EPS15: variants seen among roughly 807,000 people sequenced by gnomAD.
The protein encoded by EPS15 is epidermal growth factor receptor substrate 15.
EPS15 carries 72 observed loss-of-function variants against 113.8 expected under a neutral mutation model. The observed-to-expected ratio is 0.63, with a 90% CI of 0.52 to 0.77. The LOEUF (loss-of-function observed/expected upper bound fraction) is 0.77, where lower values mean the gene tolerates loss of function less well. Ranked by LOEUF, EPS15 falls within the 30% of genes least tolerant of loss-of-function variation. EPS15 has a pLI of 0.00. For synonymous variants in EPS15, 344 were observed against 363.4 expected (o/e 0.95, Z 0.61); for missense variants, 1,048 against 1,045.8 (o/e 1.00, Z -0.03).
intron 6 of EPS15, among the ~76,000 whole-genome samples, chr1:51,464,707 C>T (rs1411719868): frequency 6.6e-6 from 1 of 152,042 alleles, no homozygotes; most frequent in African/African-American, 2.4e-5. Context: ...GCCATATTCC[C>T]ACACTTTTAA....
At chr1:51,452,103 T>TC (rs1197589367) in intron 8 of EPS15, among the ~76,000 whole-genome samples, 3 of 151,396 alleles carry the variant, frequency 2.0e-5, no homozygotes, top group Non-Finnish European at 1.5e-5. Context: ...CTGGTTGGTC[T>TC]CCAACTTCTG....
intron 23 of EPS15, 110 bp from the exon 24 acceptor site, chr1:51,361,465 T>C (rs1474565866): frequency 2.8e-6 from 2 of 726,250 alleles, no homozygotes; most frequent in Non-Finnish European, 4.5e-6. Flanking sequence ...GATGATTGAG[T>C]ACCTAAAACA....
At chr1:51,397,606 CAG>C (rs1648083479) in intron 20 of EPS15, among the ~76,000 whole-genome samples, 1 of 152,158 alleles carries the variant, frequency 6.6e-6, no homozygotes, top group South Asian at 2.1e-4. Flanking sequence ...TATAGGAAAA[CAG>C]AGTATCCAGC....
intron 2 of EPS15, among the ~76,000 whole-genome samples, chr1:51,476,084 C>A (rs778983771): frequency 6.6e-6 from 1 of 152,108 alleles, no homozygotes; most frequent in Non-Finnish European, 1.5e-5. Flanking sequence ...GTTACTGCAG[C>A]CTTGTAGCAT....
intron 18 of EPS15, chr1:51,401,201 T>C: frequency 2.9e-6 from 1 of 344,654 alleles, no homozygotes; most frequent in East Asian, 5.1e-5. Flanking sequence ...ACAAAATCTC[T>C]ACTCTCCACA....
At chr1:51,443,890 C>T (rs1375091725) in intron 11 of EPS15, among the ~76,000 whole-genome samples, 2 of 152,022 alleles carry the variant, frequency 1.3e-5, no homozygotes, top group Non-Finnish European at 2.9e-5. Flanking sequence ...TCAAGTGATC[C>T]TCCCACCTCG....
intron 13 of EPS15, among the ~76,000 whole-genome samples, chr1:51,414,592 G>A (rs1650039031): frequency 6.6e-6 from 1 of 152,088 alleles, no homozygotes; most frequent in African/African-American, 2.4e-5. Flanking sequence ...GTGGGAATAG[G>A]AAAAATATGT....
chr1:51,501,016 A>G (rs1644402535), intron 1 of EPS15, among the ~76,000 whole-genome samples: 2 of 151,972 alleles, frequency 1.3e-5, no homozygotes, highest in Admixed American at 1.3e-4. Context: ...AAAATTGACA[A>G]TCTCTCTGGG....
At chr1:51,496,974 C>T (rs1235035023) in intron 1 of EPS15, among the ~76,000 whole-genome samples, 2 of 151,912 alleles carry the variant, frequency 1.3e-5, no homozygotes, top group East Asian at 3.9e-4. Flanking sequence ...GTGCTTGACA[C>T]ATAGAAGATA....
intron 15 of EPS15, 48 bp from the exon 16 acceptor site, chr1:51,406,156 A>G (rs1225776484): frequency 1.9e-6 from 3 of 1,538,638 alleles, no homozygotes; most frequent in Non-Finnish European, 1.8e-6. Flanking sequence ...TACTAGAAAG[A>G]CATGTAACAT....
chr1:51,502,664 T>G (rs531581587), intron 1 of EPS15, among the ~76,000 whole-genome samples: 34 of 152,252 alleles, frequency 2.2e-4, no homozygotes, highest in African/African-American at 7.7e-4. Context: ...ATAAAAAAAT[T>G]TTTGTTTTTA....
At chr1:51,365,268 T>C (rs1646483550) in intron 22 of EPS15, among the ~76,000 whole-genome samples, 1 of 152,382 alleles carries the variant, frequency 6.6e-6, no homozygotes, top group East Asian at 1.9e-4. Flanking sequence ...AGGCTGGACG[T>C]AATTGCATAT....
At chr1:51,485,132 C>T (rs1414466526) in intron 1 of EPS15, among the ~76,000 whole-genome samples, 1 of 152,150 alleles carries the variant, frequency 6.6e-6, no homozygotes, top group African/African-American at 2.4e-5. Flanking sequence ...TTCTATTTAT[C>T]ATGGAGCTCT....
At chr1:51,384,853 G>T (rs72694161) in intron 21 of EPS15, among the ~76,000 whole-genome samples, 1 of 152,170 alleles carries the variant, frequency 6.6e-6, no homozygotes, top group African/African-American at 2.4e-5. Flanking sequence ...GAAAAAGGAC[G>T]GTCTTCACAA....
chr1:51,477,642 T>C lies in EPS15; in HGVS notation c.75+3631A>G, dbSNP rs182201725. On this transcript the variant is annotated intron_variant, in intron 2 of 24. Coordinates refer to ENST00000371733, the MANE Select transcript of EPS15 (RefSeq NM_001981.3). ...TGCTTTGAATGTGTCCCAGAGGTTC[T>C]GGTATGTTGTGTCTTTGTTCTCGTT... is the stretch of plus-strand genomic sequence containing the variant. Among the ~76,000 whole-genome samples the C allele has an allele frequency of 1.6e-4, 25 of 152,342 alleles. No individual in the cohort carries two copies. In the East Asian group the frequency reaches 4.4e-3, roughly 27 times the overall value.
intron 16 of EPS15, among the ~76,000 whole-genome samples, chr1:51,404,950 C>G (rs566584249): frequency 6.6e-6 from 1 of 152,334 alleles, no homozygotes; most frequent in East Asian, 1.9e-4. Flanking sequence ...CACAAGATAT[C>G]CTTCAGAACT....
At chr1:51,455,123 A>G (rs1305064813) in intron 8 of EPS15, among the ~76,000 whole-genome samples, 1 of 152,240 alleles carries the variant, frequency 6.6e-6, no homozygotes, top group Admixed American at 6.5e-5. Context: ...TAAAATAAAA[A>G]GCAGTAGTTT....
At chr1:51,458,032 T>C (rs1321106353) in intron 8 of EPS15, 1 of 152,030 alleles carries the variant, frequency 6.6e-6, no homozygotes, top group African/African-American at 2.4e-5. Context: ...AAATCTGCCA[T>C]TTTCAAGAGA....
chr1:51,395,968 AAATT>A (rs1358295250), intron 20 of EPS15, among the ~76,000 whole-genome samples: 4 of 152,236 alleles, frequency 2.6e-5, no homozygotes, highest in Admixed American at 2.0e-4. Context: ...CAAGTTAAAA[AAATT>A]AATTGTAGAG....
Sources: allele counts gnomAD v4.1 joint callset (sites outside exome capture counted in the v4.1 genomes callset), GRCh38; gene constraint gnomAD v4.1.1; transcripts MANE v1.5; gene names NCBI Gene and HGNC (gene_info 2026-07-23, HGNC 2026-07-21).